Variants in PRIM2 observed in about 807,000 individuals in gnomAD.
PRIM2 encodes the protein DNA primase large subunit.
Under a neutral mutation model 67.3 loss-of-function variants are expected in PRIM2, and 39 were observed. The observed-to-expected ratio is 0.58, with a 90% confidence interval of 0.45 to 0.76. PRIM2 has a LOEUF of 0.76. Among genes scored for constraint, PRIM2 ranks in the 30% least tolerant of loss-of-function variants. The probability of loss-of-function intolerance (pLI) is 0.00; values close to 1 mark genes in which losing one functional copy is unlikely to be tolerated. For synonymous variants in PRIM2, 143 were observed against 198.7 expected (o/e 0.72, Z 2.36); for missense variants, 398 against 598.7 (o/e 0.66, Z 3.50).
chr6:57,609,361 C>T (rs1422974411), intron 12 of PRIM2, among the ~76,000 whole-genome samples: 2 of 152,080 alleles, frequency 1.3e-5, no homozygotes, highest in African/African-American at 4.8e-5. Context: ...CTTACTCTTC[C>T]TTGTAAATAA....
intron 7 of PRIM2, among the ~76,000 whole-genome samples, chr6:57,396,648 T>C (rs1770524695): frequency 6.6e-6 from 1 of 152,230 alleles, no homozygotes; most frequent in African/African-American, 2.4e-5. Flanking sequence ...GTCATTTACA[T>C]TCAATGTTAG....
chr6:57,238,043 C>G, the PRIM2 span, among the ~76,000 whole-genome samples: 4 of 152,102 alleles, frequency 2.6e-5, no homozygotes, highest in Admixed American at 6.6e-5. Context: ...CCCAATACAG[C>G]AGCACCCAGA....
chr6:57,236,661 C>T, the PRIM2 span, among the ~76,000 whole-genome samples: 1 of 151,884 alleles, frequency 6.6e-6, no homozygotes, highest in Non-Finnish European at 1.5e-5. Context: ...TGAGAACATG[C>T]GGTGTTTGGT....
chr6:57,537,919 C>T (rs1775033029), intron 10 of PRIM2, among the ~76,000 whole-genome samples: 1 of 151,864 alleles, frequency 6.6e-6, no homozygotes, highest in Non-Finnish European at 1.5e-5. Context: ...TACATATGCA[C>T]ATAATGTTTT....
At chr6:57,349,820 A>G (rs1768804051) in intron 5 of PRIM2, among the ~76,000 whole-genome samples, 1 of 152,200 alleles carries the variant, frequency 6.6e-6, no homozygotes, top group African/African-American at 2.4e-5. Flanking sequence ...CCTTGCTAAT[A>G]CTAAAGTAGC....
chr6:57,575,275 G>A (rs1775943033), intron 10 of PRIM2, among the ~76,000 whole-genome samples: 1 of 152,140 alleles, frequency 6.6e-6, no homozygotes, highest in Non-Finnish European at 1.5e-5. Flanking sequence ...CAATAAATAA[G>A]ATAGTAATTT....
rs1367010150 is a variant in PRIM2 at position 57,429,124 on chromosome 6, A to G, written c.693+46956A>G. On this transcript the variant is annotated intron_variant, in intron 7 of 13. Coordinates refer to ENST00000615550, the MANE Select transcript of PRIM2 (RefSeq NM_000947.5). ...GAATCATACTGTTGTTAAAGAAAAA[A>G]CTTATTTAAACTCTTGTGCAAGACA... Among the ~76,000 whole-genome samples the G allele has an allele frequency of 2.6e-5, 4 of 152,288 alleles. No individual in the cohort carries two copies. The East Asian group carries it at 5.8e-4, about 22-fold the overall frequency.
At chr6:57,480,935 A>T (rs1327378625) in intron 7 of PRIM2, among the ~76,000 whole-genome samples, 12,910 of 152,152 alleles carry the variant, frequency 0.085, 589 homozygotes, top group Admixed American at 0.11. Context: ...CCATTTCTTT[A>T]ATTTTCTTAT....
At chr6:57,449,671 G>A (rs1381373563) in intron 7 of PRIM2, among the ~76,000 whole-genome samples, 69 of 152,300 alleles carry the variant, frequency 4.5e-4, no homozygotes, top group Admixed American at 1.0e-3. Context: ...AAGCATTTAA[G>A]TGCTTGTAAT....
Position 57,633,180 on chromosome 6 carries a change from A to ACAT in PRIM2, c.1299+981_1299+983dup, listed in dbSNP as rs1378200208. Reference sequence around the variant, plus strand: ...GAGGCCCTCTGCAGGCCAACAAAACACATCTCCAAGTCCAATTCAGTCCTC... The same window carrying ACAT: ...GAGGCCCTCTGCAGGCCAACAAAACACATCATCTCCAAGTCCAATTCAGTCCTC... On this transcript the variant is annotated intron_variant, in intron 13 of 13. Transcript: ENST00000615550. Among the ~76,000 whole-genome samples, 210 of 152,320 alleles carry ACAT rather than the reference A, an allele frequency of 1.4e-3. 4 individuals carry two copies. The East Asian group carries it at 0.019, about 14-fold the overall frequency.
chr6:57,606,979 T>G (rs1424512265), intron 12 of PRIM2, among the ~76,000 whole-genome samples: 2 of 152,212 alleles, frequency 1.3e-5, no homozygotes, highest in African/African-American at 4.8e-5. Flanking sequence ...AATGCTCAGA[T>G]TGTACAACCA....
intron 12 of PRIM2, among the ~76,000 whole-genome samples, chr6:57,614,912 T>C (rs1331631624): frequency 6.6e-6 from 1 of 152,114 alleles, no homozygotes; most frequent in African/African-American, 2.4e-5. Flanking sequence ...TTTCATTAAT[T>C]TCTTTTCAAA....
chr6:57,480,239 A>G (rs1175963542), intron 7 of PRIM2, among the ~76,000 whole-genome samples: 5 of 152,340 alleles, frequency 3.3e-5, no homozygotes, highest in African/African-American at 4.8e-5. Flanking sequence ...GTGGAAAACT[A>G]TGACTTTTTA....
At chr6:57,636,510 CAAAG>C (rs1343361815) in intron 13 of PRIM2, among the ~76,000 whole-genome samples, 1 of 152,154 alleles carries the variant, frequency 6.6e-6, no homozygotes, top group Admixed American at 6.5e-5. Context: ...AAACAGAACA[CAAAG>C]AACCCATCCT....
the PRIM2 span, among the ~76,000 whole-genome samples, chr6:57,230,768 T>A: frequency 6.6e-6 from 1 of 152,220 alleles, no homozygotes; most frequent in Non-Finnish European, 1.5e-5. Context: ...GTGATGTGAA[T>A]TGCCCATGTA....
At chr6:57,356,002 G>C (rs1232254841) in intron 5 of PRIM2, among the ~76,000 whole-genome samples, 1 of 152,122 alleles carries the variant, frequency 6.6e-6, no homozygotes, top group East Asian at 1.9e-4. Flanking sequence ...AAAATGTTTG[G>C]GGTTTTGCAT....
chr6:57,466,299 TATA>T (rs1773188693), intron 7 of PRIM2, among the ~76,000 whole-genome samples: 1 of 152,246 alleles, frequency 6.6e-6, no homozygotes, highest in Non-Finnish European at 1.5e-5. Context: ...CATGTGTCTT[TATA>T]GTAGAATGAT....
At chr6:57,385,677 T>G (rs1265677839) in intron 7 of PRIM2, among the ~76,000 whole-genome samples, 2 of 152,244 alleles carry the variant, frequency 1.3e-5, no homozygotes, top group Non-Finnish European at 2.9e-5. Context: ...TGCAATAGAT[T>G]CTTAGTTTCT....
At chr6:57,274,014 G>A in the PRIM2 span, among the ~76,000 whole-genome samples, 6 of 152,196 alleles carry the variant, frequency 3.9e-5, no homozygotes, top group Non-Finnish European at 5.9e-5. Flanking sequence ...GTACCCGGCC[G>A]TGTAAGGTGT....
Sources: gnomAD v4.1 joint callset for allele counts (sites outside exome capture counted in the v4.1 genomes callset) on GRCh38, gnomAD v4.1.1 for gene constraint, MANE v1.5 for transcripts, NCBI Gene and HGNC (gene_info 2026-07-23, HGNC 2026-07-21) for gene names.